TRIM24: variants seen among roughly 807,000 people sequenced by gnomAD.
TRIM24 encodes transcription intermediary factor 1-alpha.
Under a neutral mutation model 123.9 loss-of-function variants are expected in TRIM24, and 29 were observed. The ratio of observed to expected loss-of-function variants is 0.23; its 90% CI spans 0.17 to 0.32. The LOEUF is 0.32. Among genes scored for constraint, TRIM24 ranks in the 10% least tolerant of loss-of-function variants. The pLI is 1.00. For synonymous variants in TRIM24, 456 were observed against 461.1 expected (o/e 0.99, Z 0.14); for missense variants, 932 against 1,295.3 (o/e 0.72, Z 4.31).
chr7:138,564,936 G>T (rs1202735789), intron 9 of TRIM24, among the ~76,000 whole-genome samples: 1 of 151,962 alleles, frequency 6.6e-6, no homozygotes, highest in African/African-American at 2.4e-5. Context: ...TTTCACTTCG[G>T]ACCGATTAGA....
intron 1 of TRIM24, among the ~76,000 whole-genome samples, chr7:138,479,954 G>T (rs1795490270): frequency 6.6e-6 from 1 of 151,904 alleles, no homozygotes; most frequent in South Asian, 2.1e-4. Flanking sequence ...AAGCAGCTGG[G>T]ATTACAGACA....
chr7:138,517,303 A>G (rs1256817045), intron 3 of TRIM24, among the ~76,000 whole-genome samples: 1 of 151,728 alleles, frequency 6.6e-6, no homozygotes, highest in African/African-American at 2.4e-5. Context: ...TCAGTTTTTT[A>G]GTTCATTAAT....
chr7:138,550,916 A>G (rs574210244), intron 7 of TRIM24, 147 bp from the exon 8 acceptor site: 1 of 575,812 alleles, frequency 1.7e-6, no homozygotes, highest in Non-Finnish European at 2.9e-6. Flanking sequence ...CTTGTTTTGG[A>G]AAGAAAATTG....
chr7:138,583,247 A>C (rs1330520766), intron 17 of TRIM24, among the ~76,000 whole-genome samples: 1 of 152,238 alleles, frequency 6.6e-6, no homozygotes, highest in Non-Finnish European at 1.5e-5. Context: ...TATTCTTCCT[A>C]GTAATTGCTT....
intron 7 of TRIM24, among the ~76,000 whole-genome samples, chr7:138,544,669 A>C (rs754569794): frequency 6.6e-6 from 1 of 152,178 alleles, no homozygotes; most frequent in African/African-American, 2.4e-5. Context: ...ACCCTGGCCA[A>C]CACTTGTCTT....
chr7:138,552,951 C>T (rs550525447), intron 8 of TRIM24, among the ~76,000 whole-genome samples: 1 of 152,284 alleles, frequency 6.6e-6, no homozygotes, highest in South Asian at 2.1e-4. Context: ...AACAAGTGGT[C>T]ATATGTGCTA....
chr7:138,537,379 GTTTTTTTT>G (rs71177994), intron 6 of TRIM24, among the ~76,000 whole-genome samples: 9 of 56,636 alleles, frequency 1.6e-4, no homozygotes, highest in South Asian at 6.9e-4. Context: ...ACCCCTGTTT[GTTTTTTTT>G]TTTTTTTTTT....
At chr7:138,499,744 G>A (rs900559494) in intron 1 of TRIM24, among the ~76,000 whole-genome samples, 7 of 151,922 alleles carry the variant, frequency 4.6e-5, no homozygotes, top group African/African-American at 1.7e-4. Context: ...TTGATTCAAG[G>A]CAACCTGGAG....
chr7:138,477,191 C>T (rs1795422930), intron 1 of TRIM24, among the ~76,000 whole-genome samples: 1 of 152,046 alleles, frequency 6.6e-6, no homozygotes, highest in African/African-American at 2.4e-5. Context: ...CATGGTGGCT[C>T]ACACCTGTAA....
At chr7:138,569,644 G>GT (rs879623720) in intron 10 of TRIM24, among the ~76,000 whole-genome samples, 13 of 152,276 alleles carry the variant, frequency 8.5e-5, no homozygotes, top group Admixed American at 8.5e-4. Flanking sequence ...TGAGGGAGGA[G>GT]TAGGTGGTAA....
At chr7:138,503,716 G>A (rs531469240) in intron 1 of TRIM24, among the ~76,000 whole-genome samples, 14 of 151,714 alleles carry the variant, frequency 9.2e-5, no homozygotes, top group African/African-American at 3.4e-4. Flanking sequence ...ATGTTGGTGT[G>A]CTGCACCCGT....
intron 2 of TRIM24, among the ~76,000 whole-genome samples, chr7:138,508,700 C>CGCGCGCGCGCGCGTGTGTGGGTGTGT (rs1182276337): frequency 5.6e-5 from 2 of 35,508 alleles, no homozygotes. Context: ...TGTGCGCGCG[C>CGCGCGCGCGCGCGTGTGTGGGTGTGT]GTGTGTGCGT....
intron 1 of TRIM24, among the ~76,000 whole-genome samples, chr7:138,463,849 C>G (rs1795067095): frequency 6.6e-6 from 1 of 151,926 alleles, no homozygotes; most frequent in African/African-American, 2.4e-5. Context: ...ACAAATTGTA[C>G]TTAAAAGTAC....
chr7:138,470,766 C>A (rs1173620906), intron 1 of TRIM24, among the ~76,000 whole-genome samples: 1 of 152,130 alleles, frequency 6.6e-6, no homozygotes, highest in East Asian at 1.9e-4. Context: ...ATTCTTGGGA[C>A]CTGAATATGC....
In TRIM24 at chr7:138,515,220, A is replaced by G; in HGVS notation, c.492A>G (p.Thr164=). 1.9e-6 allele frequency: 3 copies of G among 1,611,860 alleles called. No individual in the cohort carries two copies. Among genetic ancestry groups the G allele is most frequent in the Non-Finnish European group, 2.5e-6 (3 of 1,178,720 alleles). ...CATGGTTCTTTTGTCAGGTATGTAC[A>G]AGCTGTGAGGACAACGCAGAAGCCA... ...STVEKSNQVC[T]SCEDNAEANG... The change falls in exon 3 of 19, where the codon ACA becomes ACG. Residue 164 remains threonine, a synonymous_variant. Coordinates refer to ENST00000343526, the MANE Select transcript of TRIM24 (RefSeq NM_015905.3).
intron 1 of TRIM24, among the ~76,000 whole-genome samples, chr7:138,496,770 G>A (rs1019682082): frequency 6.6e-6 from 1 of 151,980 alleles, no homozygotes; most frequent in Non-Finnish European, 1.5e-5. Flanking sequence ...CAAAGCACTG[G>A]GATTTCAGGC....
intron 1 of TRIM24, among the ~76,000 whole-genome samples, chr7:138,480,971 T>G (rs550826599): frequency 6.6e-6 from 1 of 152,052 alleles, no homozygotes; most frequent in Admixed American, 6.6e-5. Context: ...TAAACTTTTT[T>G]TTTCATTTTT....
At position 138,577,682 on chromosome 7, in the gene TRIM24, T is replaced by C. The variant is rs542396766; in HGVS notation, c.2256+94T>C. ...TCTTAGGAGTTTTTTTTTAATGTTA[T>C]ATTTAAAAGGATTTAAAGACAATTT... is the stretch of plus-strand genomic sequence containing the variant. On this transcript the variant is annotated intron_variant, in intron 14 of 18. Transcript: ENST00000343526. The C allele has an allele frequency of 7.6e-6, 8 of 1,052,872 alleles. No individual in the cohort carries two copies. The South Asian group carries it at 1.8e-4, about 23-fold the overall frequency. The allele number at this position is 1,052,872 out of a possible 1,614,324, so 65.2% of individuals were successfully genotyped here.
intron 6 of TRIM24, among the ~76,000 whole-genome samples, chr7:138,534,405 T>C (rs1487127274): frequency 1.3e-5 from 2 of 152,246 alleles, no homozygotes; most frequent in Non-Finnish European, 2.9e-5. Context: ...GAGATCCAGG[T>C]ACGTTGTGTC....
Sources: allele counts gnomAD v4.1 joint callset (sites outside exome capture counted in the v4.1 genomes callset), GRCh38; gene constraint gnomAD v4.1.1; transcripts MANE v1.5; gene names NCBI Gene and HGNC (gene_info 2026-07-23, HGNC 2026-07-21).